The following INTS6 variants were observed in gnomAD, a reference collection of about 807,000 sequenced individuals.
The protein encoded by INTS6 is integrator complex subunit 6, also known as DEAD box protein.
In INTS6, 16 loss-of-function variants were observed where a neutral mutation model predicts 104.9. The ratio of observed to expected loss-of-function variants is 0.15; its 90% CI spans 0.10 to 0.23. INTS6 has a LOEUF of 0.23. Among genes scored for constraint, INTS6 ranks in the 10% least tolerant of loss-of-function variants. The pLI is 1.00. For missense variants in INTS6, 584 were observed against 1,062.8 expected (o/e 0.55, Z 6.26); for synonymous variants, 324 against 358.7 (o/e 0.90, Z 1.09).
At chr13:51,377,325 A>G (rs915566807) in intron 12 of INTS6, among the ~76,000 whole-genome samples, 6 of 151,888 alleles carry the variant, frequency 4.0e-5, no homozygotes, top group Non-Finnish European at 8.8e-5. Context: ...TTCATTTTTA[A>G]TGTTTCTTTT....
intron 6 of INTS6, 76 bp from the exon 7 acceptor site, chr13:51,387,616 T>C (rs958286400): frequency 1.0e-5 from 11 of 1,099,700 alleles, no homozygotes; most frequent in Non-Finnish European, 1.1e-5. Context: ...ATTATATCAA[T>C]TATTACTTAA....
chr13:51,413,130 TCAGA>T (rs1238856722), intron 4 of INTS6, among the ~76,000 whole-genome samples: 1 of 152,120 alleles, frequency 6.6e-6, no homozygotes, highest in Non-Finnish European at 1.5e-5. Flanking sequence ...AGAAAGGCAG[TCAGA>T]CAGTAAGCAA....
intron 12 of INTS6, among the ~76,000 whole-genome samples, chr13:51,376,682 A>C (rs1467957629): frequency 6.6e-6 from 1 of 152,078 alleles, no homozygotes; most frequent in Non-Finnish European, 1.5e-5. Flanking sequence ...CTTTCTTTCT[A>C]TGCTCCATTT....
intron 15 of INTS6, among the ~76,000 whole-genome samples, chr13:51,370,185 G>A (rs1174286086): frequency 6.6e-6 from 1 of 152,116 alleles, no homozygotes; most frequent in Non-Finnish European, 1.5e-5. Flanking sequence ...AACAACTTAT[G>A]CTTTAACTGA....
intron 3 of INTS6, among the ~76,000 whole-genome samples, chr13:51,354,790 A>G (rs973828344): frequency 6.6e-6 from 1 of 152,274 alleles, no homozygotes; most frequent in African/African-American, 2.4e-5. Context: ...TGAAAAATGG[A>G]TAATAACTAA....
intron 15 of INTS6, 84 bp downstream of exon 15, chr13:51,374,124 C>A (rs1157058169): frequency 1.8e-6 from 2 of 1,105,506 alleles, no homozygotes; most frequent in African/African-American, 1.6e-5. Context: ...AATCAATTTC[C>A]TTCTATAATC....
intron 4 of INTS6, among the ~76,000 whole-genome samples, chr13:51,422,340 C>G (rs1002958599): frequency 2.6e-5 from 4 of 152,102 alleles, no homozygotes; most frequent in African/African-American, 9.7e-5. Flanking sequence ...AGCTATGGAT[C>G]TCTTTACCCA....
At chr13:51,443,034 C>T (rs1271140208) in intron 3 of INTS6, 1 of 152,196 alleles carries the variant, frequency 6.6e-6, no homozygotes, top group Non-Finnish European at 1.5e-5. Flanking sequence ...AGAAATCATA[C>T]TGCATTACAG....
At chr13:51,336,216 G>A in the INTS6 span, among the ~76,000 whole-genome samples, 1,686 of 152,232 alleles carry the variant, frequency 0.011, 24 homozygotes, top group African/African-American at 0.03. Context: ...AGTTGGATGC[G>A]GTGGCTCACG....
At chr13:51,419,824 G>T (rs2138064225) in intron 4 of INTS6, among the ~76,000 whole-genome samples, 1 of 152,270 alleles carries the variant, frequency 6.6e-6, no homozygotes, top group East Asian at 1.9e-4. Context: ...AATGTGAAAA[G>T]GATCTAACAG....
downstream of INTS6, chr13:51,361,331 T>C: frequency 6.2e-7 from 1 of 1,610,328 alleles, no homozygotes; most frequent in African/African-American, 1.3e-5. Context: ...GATTGAAGTT[T>C]TGGAGGAAGG....
At chr13:51,388,370 T>G (rs532125690) in intron 6 of INTS6, among the ~76,000 whole-genome samples, 43 of 147,768 alleles carry the variant, frequency 2.9e-4, no homozygotes, top group South Asian at 1.8e-3. Context: ...GTGTGTGTGT[T>G]TTGTTTTTTT....
At chr13:51,379,731 T>C (rs1269228108) in intron 10 of INTS6, among the ~76,000 whole-genome samples, 159 bp from the exon 11 acceptor site, 2 of 152,066 alleles carry the variant, frequency 1.3e-5, no homozygotes, top group African/African-American at 2.4e-5. Context: ...AAAATGTTTG[T>C]CAGTGGGATG....
intron 17 of INTS6, 119 bp from the exon 18 acceptor site, chr13:51,365,964 A>G (rs903467600): frequency 1.8e-6 from 1 of 550,088 alleles, no homozygotes; most frequent in Non-Finnish European, 3.2e-6. Flanking sequence ...AAATGAAAAT[A>G]GAAAAATCAA....
intron 4 of INTS6, among the ~76,000 whole-genome samples, chr13:51,424,769 G>A (rs1956958051): frequency 6.6e-6 from 1 of 151,878 alleles, no homozygotes; most frequent in Admixed American, 6.6e-5. Flanking sequence ...ACTATGAAGA[G>A]GCTACTACAG....
rs953286559 is a variant in INTS6 at position 51,452,753 on chromosome 13, C to G, written c.-228G>C. On this transcript the variant is annotated 5_prime_UTR_variant, in exon 1 of 18. Transcript: ENST00000311234. This position sits in a 1 kb window ranked among gnomAD's most constrained non-coding sequence, Gnocchi z 4.2. ...CGTCGTACCCCCGCCTCCGCCTCCT[C>G]CTGCCTGCCTGCCCGCTGGGGCGGG... The G allele has an allele frequency of 3.2e-6, 4 of 1,233,084 alleles. No homozygotes were observed. Among genetic ancestry groups the G allele is most frequent in the Admixed American group, 4.5e-5 (1 of 22,440 alleles). 76.4% of individuals were successfully genotyped at this position (1,233,084 alleles called of 1,614,324 possible).
chr13:51,398,681 A>G (rs1956383002), intron 4 of INTS6, among the ~76,000 whole-genome samples: 2 of 152,064 alleles, frequency 1.3e-5, no homozygotes, highest in Admixed American at 1.3e-4. Context: ...CTAAAACTCA[A>G]CAATGCCAAC....
intron 2 of INTS6, 101 bp from the exon 3 acceptor site, chr13:51,451,275 T>C (rs564258534): frequency 4.2e-5 from 39 of 919,402 alleles, no homozygotes; most frequent in Non-Finnish European, 5.9e-5. Flanking sequence ...TCACTTTTGG[T>C]TGGTTTGGCT....
At chr13:51,340,680 T>C in the INTS6 span, 1,377 of 184,740 alleles carry the variant, frequency 7.5e-3, 21 homozygotes, top group African/African-American at 0.03. Flanking sequence ...TTATTCCTGA[T>C]AGACACAGCA....
Sources: allele counts gnomAD v4.1 joint callset (sites outside exome capture counted in the v4.1 genomes callset), GRCh38; gene constraint gnomAD v4.1.1; non-coding constraint Gnocchi (gnomAD v3.1); transcripts MANE v1.5; gene names NCBI Gene and HGNC (gene_info 2026-07-23, HGNC 2026-07-21).